EDC3: variants seen among roughly 807,000 people sequenced by gnomAD.
EDC3 encodes the protein enhancer of mRNA decapping 3.
A neutral mutation model predicts 41.8 loss-of-function variants in EDC3; 20 were observed. The observed-to-expected ratio is 0.48, with a 90% CI of 0.34 to 0.70. The LOEUF (loss-of-function observed/expected upper bound fraction) is 0.70, where lower values mean the gene tolerates loss of function less well. EDC3 is among the 30% of genes least tolerant of loss of function. The pLI, the probability that EDC3 is intolerant of heterozygous loss-of-function variation, is 0.01. For synonymous variants in EDC3, 206 were observed against 243.2 expected, an observed-to-expected ratio of 0.85 and a Z score of 1.42; for missense variants, 444 against 636.8, an observed-to-expected ratio of 0.70 and a Z score of 3.26.
chr15:74,635,667 G>A (rs1319379544), intron 5 of EDC3, 41 bp from the exon 6 acceptor site: 2 of 1,574,262 alleles, frequency 1.3e-6, no homozygotes, highest in Admixed American at 1.7e-5. Context: ...CTACATACTT[G>A]CCAATCCCTT....
intron 4 of EDC3, chr15:74,645,133 T>C (rs575444738): frequency 6.6e-6 from 1 of 152,282 alleles, no homozygotes; most frequent in Admixed American, 6.5e-5. Context: ...ACAAAAGTTG[T>C]AGGAACTGTT....
At chr15:74,654,121 T>C (rs1324200377) in intron 4 of EDC3, among the ~76,000 whole-genome samples, 1 of 151,874 alleles carries the variant, frequency 6.6e-6, no homozygotes, top group Non-Finnish European at 1.5e-5. Flanking sequence ...GGCATGGTGG[T>C]GTGTACCTGT....
At chr15:74,678,250 G>C (rs553034316) in intron 1 of EDC3, among the ~76,000 whole-genome samples, 1 of 152,294 alleles carries the variant, frequency 6.6e-6, no homozygotes, top group East Asian at 1.9e-4. Flanking sequence ...TGACAACGAA[G>C]TGTCAGTGTA....
chr15:74,660,433 A>ATATATG (rs60853393), intron 3 of EDC3, among the ~76,000 whole-genome samples: 27 of 47,156 alleles, frequency 5.7e-4, no homozygotes, highest in African/African-American at 1.4e-3. Flanking sequence ...ATATATATAT[A>ATATATG]TGTGTGTGTG....
Position 74,671,366 on chromosome 15 carries a change from C to T in EDC3, c.484+89G>A, listed in dbSNP as rs2141649170. ...GCCAGCATCCATTTTATTGGAATAACAAAGGATTTGTTTAAAGAGCAGCAG... is the reference window on the plus strand; with the variant it reads ...GCCAGCATCCATTTTATTGGAATAATAAAGGATTTGTTTAAAGAGCAGCAG... On this transcript the variant is annotated intron_variant, in intron 3 of 6. Coordinates refer to ENST00000315127, the MANE Select transcript of EDC3 (RefSeq NM_025083.5). This position sits in a 1 kb window ranked among gnomAD's most constrained non-coding sequence, Gnocchi z 4.6. 1 of 1,387,770 alleles carries T rather than the reference C, an allele frequency of 7.2e-7. No homozygotes were observed. The highest frequency in any genetic ancestry group is 9.9e-7 in the Non-Finnish European group (1 of 1,012,752). The allele number at this position is 1,387,770 out of a possible 1,614,324, so 86.0% of individuals were successfully genotyped here.
intron 4 of EDC3, chr15:74,644,880 C>G (rs2062395069): frequency 1.3e-5 from 2 of 152,104 alleles, no homozygotes; most frequent in South Asian, 4.2e-4. Context: ...AACACCTTAC[C>G]AAGTGGTCAA....
chr15:74,660,741 G>A (rs936412172), intron 3 of EDC3, among the ~76,000 whole-genome samples: 1 of 152,108 alleles, frequency 6.6e-6, no homozygotes, highest in African/African-American at 2.4e-5. Context: ...TGGACAGAAC[G>A]ATTCACCAGG....
rs754998831 is a variant in EDC3 at position 74,632,843 on chromosome 15, G to A, written c.1296C>T (p.Ala432=). 1 of 1,614,216 alleles carries A rather than the reference G, an allele frequency of 6.2e-7. No homozygotes were observed. The highest frequency in any genetic ancestry group is 1.1e-5 in the South Asian group (1 of 91,086). ...QPWYKAAVAW[A]NQNRAPVLSI... ...TGAGTACTGGTGCCCGGTTCTGGTT[G>A]GCCCAGGCCACAGCTGCCTTGTACC... Residue 432 remains alanine (A), a synonymous_variant, in exon 7 of 7, where the codon GCC becomes GCT. Transcript: ENST00000315127. The surrounding 1 kb of genome is among the most constrained non-coding windows in gnomAD (Gnocchi z 4.0).
intron 4 of EDC3, 40 bp from the exon 5 acceptor site, chr15:74,640,659 A>G (rs2062340147): frequency 6.2e-7 from 1 of 1,613,380 alleles, no homozygotes; most frequent in Non-Finnish European, 8.5e-7. Context: ...AAGTGACTAC[A>G]GAAACCAAGT....
chr15:74,655,696 C>T lies in EDC3; in HGVS notation c.820+37G>A, dbSNP rs538490167. On this transcript the variant is annotated intron_variant, in intron 4 of 6. Transcript: ENST00000315127. ...TGTTTCAAGCATAATAGAAAGGCAA[C>T]AGCAACCAGCAGGATGTGGGACCTG... is the stretch of plus-strand genomic sequence containing the variant. 43 of 1,557,144 alleles carry T rather than the reference C, an allele frequency of 2.8e-5. 1 individual carries two copies. In the South Asian group the frequency reaches 4.4e-4, roughly 16 times the overall value.
At chr15:74,657,473 C>T (rs1463583857) in intron 3 of EDC3, among the ~76,000 whole-genome samples, 1 of 152,236 alleles carries the variant, frequency 6.6e-6, no homozygotes, top group Non-Finnish European at 1.5e-5. Flanking sequence ...CTCGCACACT[C>T]CCTTCTGCAA....
chr15:74,656,194 G>T, intron 3 of EDC3, 126 bp from the exon 4 acceptor site: 1 of 869,386 alleles, frequency 1.2e-6, no homozygotes, highest in Non-Finnish European at 1.8e-6. Flanking sequence ...GGTAACTATT[G>T]CAAACTCATA....
At chr15:74,649,868 G>A (rs1012953621) in intron 4 of EDC3, among the ~76,000 whole-genome samples, 1 of 150,224 alleles carries the variant, frequency 6.7e-6, no homozygotes, top group Non-Finnish European at 1.5e-5. Flanking sequence ...AAAGGGGGGG[G>A]GGGTCACAAA....
intron 3 of EDC3, among the ~76,000 whole-genome samples, chr15:74,662,459 T>C (rs146436457): frequency 1.2e-4 from 18 of 150,658 alleles, no homozygotes; most frequent in African/African-American, 4.4e-4. Flanking sequence ...AAGCAAACAC[T>C]AGCCAATCAA....
At chr15:74,686,856 C>T (rs1351448014) in intron 1 of EDC3, among the ~76,000 whole-genome samples, 4 of 152,004 alleles carry the variant, frequency 2.6e-5, no homozygotes, top group Admixed American at 6.6e-5. Flanking sequence ...CAATGGCTCA[C>T]GCCTATAATC....
intron 3 of EDC3, among the ~76,000 whole-genome samples, chr15:74,670,804 G>A (rs1007821223): frequency 1.3e-5 from 2 of 152,146 alleles, no homozygotes; most frequent in African/African-American, 4.8e-5. Flanking sequence ...CAGCAACAGA[G>A]ACCAATGCAC....
chr15:74,645,620 C>A (rs2062406568), intron 4 of EDC3, among the ~76,000 whole-genome samples: 1 of 144,828 alleles, frequency 6.9e-6, no homozygotes, highest in Non-Finnish European at 1.5e-5. Context: ...GTAATCCCAG[C>A]ACTTTGGGAA....
At chr15:74,686,788 T>C (rs1375430929) in intron 1 of EDC3, among the ~76,000 whole-genome samples, 1 of 151,220 alleles carries the variant, frequency 6.6e-6, no homozygotes, top group Non-Finnish European at 1.5e-5. Context: ...TCAAAATAAA[T>C]ACATAAATGA....
intron 6 of EDC3, among the ~76,000 whole-genome samples, chr15:74,633,566 C>T (rs961002499): frequency 6.6e-6 from 1 of 152,202 alleles, no homozygotes; most frequent in Admixed American, 6.5e-5. Context: ...TACTATTCTC[C>T]CAGGCTCCTC....
Sources: allele counts gnomAD v4.1 joint callset (sites outside exome capture counted in the v4.1 genomes callset), GRCh38; gene constraint gnomAD v4.1.1; non-coding constraint Gnocchi (gnomAD v3.1); transcripts MANE v1.5; gene names NCBI Gene and HGNC (gene_info 2026-07-23, HGNC 2026-07-21).